The following WDR49 variants were observed in gnomAD, a reference collection of about 807,000 sequenced individuals.
WDR49 encodes cilia- and flagella-associated protein 337.
In WDR49, 107 loss-of-function variants were observed where a neutral mutation model predicts 119.5. That is an observed-to-expected ratio of 0.90 (90% CI 0.77 to 1.05). The LOEUF (loss-of-function observed/expected upper bound fraction) is 1.05. Ranked by LOEUF, WDR49 falls within the 50% of genes least tolerant of loss-of-function variation. The pLI is 0.00. For missense variants in WDR49, 1,240 were observed against 1,220.5 expected (o/e 1.02, Z -0.24); for synonymous variants, 425 against 418.8 (o/e 1.01, Z -0.18).
intron 2 of WDR49, among the ~76,000 whole-genome samples, chr3:167,639,125 G>A (rs1299315285): frequency 6.6e-6 from 1 of 151,688 alleles, no homozygotes; most frequent in East Asian, 1.9e-4. Flanking sequence ...GAATAAGCCT[G>A]ACCAGTGAAA....
At chr3:167,513,306 C>A (rs1325014762) in intron 16 of WDR49, among the ~76,000 whole-genome samples, 1 of 152,120 alleles carries the variant, frequency 6.6e-6, no homozygotes, top group Non-Finnish European at 1.5e-5. Flanking sequence ...GGCCAATATT[C>A]AACATTCTTA....
In WDR49 at chr3:167,537,004, G is replaced by A. The variant is rs1274645004; in HGVS notation, c.1824-4C>T. ...GGGTCGAAACACAGTAATAGCCCTA[G>A]CAAAAAGGATATAGAATTTAGCTGT... On this transcript the variant is annotated splice_polypyrimidine_tract_variant and splice_region_variant and intron_variant, in intron 10 of 18. Coordinates refer to ENST00000682715, the MANE Select transcript of WDR49 (RefSeq NM_001366157.1). The A allele has an allele frequency of 1.3e-6, 2 of 1,567,834 alleles. No homozygotes were observed. The highest frequency in any genetic ancestry group is 1.2e-5 in the South Asian group (1 of 82,578).
intron 18 of WDR49, among the ~76,000 whole-genome samples, chr3:167,494,535 G>C (rs956852868): frequency 3.9e-5 from 6 of 152,122 alleles, no homozygotes; most frequent in Non-Finnish European, 5.9e-5. Flanking sequence ...CGTGGAAGCA[G>C]TGATGACCAA....
At chr3:167,519,371 A>G (rs1752340561) in intron 16 of WDR49, among the ~76,000 whole-genome samples, 1 of 152,246 alleles carries the variant, frequency 6.6e-6, no homozygotes, top group African/African-American at 2.4e-5. Flanking sequence ...ACAATAGCCA[A>G]TAAATGGAAT....
intron 5 of WDR49, among the ~76,000 whole-genome samples, chr3:167,608,950 G>T (rs967889761): frequency 6.6e-6 from 1 of 152,116 alleles, no homozygotes; most frequent in Non-Finnish European, 1.5e-5. Context: ...CCCTGCCATC[G>T]ATCTTTGTCC....
chr3:167,579,906 C>T (rs920380162), intron 7 of WDR49, among the ~76,000 whole-genome samples: 6 of 151,966 alleles, frequency 3.9e-5, no homozygotes, highest in African/African-American at 1.4e-4. Context: ...TAGAAACTAA[C>T]TTCATGTCAT....
At chr3:167,523,106 A>C (rs746612254) in intron 15 of WDR49, among the ~76,000 whole-genome samples, 1 of 152,120 alleles carries the variant, frequency 6.6e-6, no homozygotes, top group Non-Finnish European at 1.5e-5. Context: ...AGCCTGTGAG[A>C]TATGAGGGGA....
rs993337865 is a variant in WDR49 at position 167,597,086 on chromosome 3, G to C, written c.1275+5041C>G. On this transcript the variant is annotated intron_variant, in intron 7 of 18. Coordinates refer to ENST00000682715, the MANE Select transcript of WDR49 (RefSeq NM_001366157.1). ...GAAAATGTCTCCAGGGCATTTTGGA[G>C]ATCTTCGTCACAGGCCCAAAGGCCT... Among the ~76,000 whole-genome samples, 7 of 152,262 alleles carry C rather than the reference G, an allele frequency of 4.6e-5. No homozygotes were observed. The South Asian group carries it at 1.4e-3, about 32-fold the overall frequency.
intron 8 of WDR49, 127 bp from the exon 9 acceptor site, chr3:167,560,355 T>C: frequency 2.1e-6 from 2 of 941,822 alleles, no homozygotes; most frequent in South Asian, 3.6e-5. Flanking sequence ...GACATTTTTG[T>C]AATGGACTTT....
At chr3:167,552,720 C>A (rs1712646264) in intron 10 of WDR49, among the ~76,000 whole-genome samples, 1 of 151,920 alleles carries the variant, frequency 6.6e-6, no homozygotes, top group Non-Finnish European at 1.5e-5. Context: ...TGCCTACCTT[C>A]CGAGATGATG....
chr3:167,571,012 G>A (rs945784270), intron 8 of WDR49, among the ~76,000 whole-genome samples: 6 of 145,392 alleles, frequency 4.1e-5, no homozygotes, highest in African/African-American at 1.0e-4. Context: ...GCGACAGAGA[G>A]AGACTCCATC....
rs910712172 is a variant in WDR49 at position 167,484,708 on chromosome 3, T to G, written c.3032-5712A>C. On this transcript the variant is annotated intron_variant, in intron 18 of 18. Coordinates refer to ENST00000682715, the MANE Select transcript of WDR49 (RefSeq NM_001366157.1). ...TGATGGCAAAAAAAAAAAAAAAAAG[T>G]GATGTGTTCTTTTTATAACAAACAG... is the stretch of plus-strand genomic sequence containing the variant. Among the ~76,000 whole-genome samples, 736 of 139,730 alleles carry G rather than the reference T, an allele frequency of 5.3e-3. 6 individuals are homozygous for G. Among genetic ancestry groups the G allele is most frequent in the African/African-American group, 0.019 (708 of 37,806 alleles). The allele number at this position is 139,730 out of a possible 152,430, so 91.7% of individuals were successfully genotyped here.
intron 16 of WDR49, among the ~76,000 whole-genome samples, chr3:167,519,631 T>C (rs1251230035): frequency 6.6e-6 from 1 of 150,478 alleles, no homozygotes; most frequent in Non-Finnish European, 1.5e-5. Context: ...CTGGAACCTG[T>C]CCAGGGGTGG....
intron 2 of WDR49, among the ~76,000 whole-genome samples, chr3:167,632,733 G>A (rs545857481): frequency 1.3e-5 from 2 of 152,048 alleles, no homozygotes; most frequent in South Asian, 2.1e-4. Flanking sequence ...ATTAATTCTT[G>A]CTTTATCAGT....
intron 16 of WDR49, among the ~76,000 whole-genome samples, chr3:167,512,955 A>T (rs533433021): frequency 2.0e-5 from 3 of 152,332 alleles, no homozygotes; most frequent in African/African-American, 7.2e-5. Flanking sequence ...CTATGAGATT[A>T]TATAACCAAA....
intron 17 of WDR49, among the ~76,000 whole-genome samples, chr3:167,500,529 A>AT (rs535329140): frequency 3.2e-4 from 49 of 151,562 alleles, no homozygotes; most frequent in Non-Finnish European, 5.0e-4. Flanking sequence ...CTTCCCATTC[A>AT]TTTTTTTTTA....
chr3:167,639,900 C>A (rs2108338958), intron 2 of WDR49, among the ~76,000 whole-genome samples: 1 of 151,892 alleles, frequency 6.6e-6, no homozygotes, highest in East Asian at 1.9e-4. Context: ...ATGGACAGGG[C>A]AGAATGATGT....
intron 18 of WDR49, among the ~76,000 whole-genome samples, chr3:167,497,633 T>C (rs1751406302): frequency 6.6e-6 from 1 of 152,154 alleles, no homozygotes; most frequent in Non-Finnish European, 1.5e-5. Flanking sequence ...TGTTTGCTGC[T>C]CTCATTATTT....
intron 2 of WDR49, among the ~76,000 whole-genome samples, chr3:167,650,818 A>T (rs1387423474): frequency 6.6e-6 from 1 of 152,180 alleles, no homozygotes; most frequent in Non-Finnish European, 1.5e-5. Context: ...TGCACTTTTT[A>T]AAGTGCTTTC....
Sources: gnomAD v4.1 joint callset for allele counts (sites outside exome capture counted in the v4.1 genomes callset) on GRCh38, gnomAD v4.1.1 for gene constraint, MANE v1.5 for transcripts, NCBI Gene and HGNC (gene_info 2026-07-23, HGNC 2026-07-21) for gene names.